Variants in PTPN7 observed in about 807,000 individuals in gnomAD.
The protein encoded by PTPN7 is tyrosine-protein phosphatase non-receptor type 7.
In PTPN7, 33 loss-of-function variants were observed where a neutral mutation model predicts 50.3. The observed-to-expected ratio is 0.66, with a 90% CI of 0.50 to 0.88. The LOEUF is 0.88. PTPN7 is among the 40% of genes least tolerant of loss of function. The pLI is 0.00. For synonymous variants in PTPN7, 185 were observed against 186.6 expected (o/e 0.99, Z 0.07); for missense variants, 412 against 475.4 (o/e 0.87, Z 1.24).
chr1:202,150,941 C>A (rs1376040016), intron 8 of PTPN7, among the ~76,000 whole-genome samples: 1 of 152,122 alleles, frequency 6.6e-6, no homozygotes, highest in African/African-American at 2.4e-5. Context: ...TAGGCCTCCC[C>A]TTCCTCTTGC....
intron 4 of PTPN7, among the ~76,000 whole-genome samples, chr1:202,156,456 T>A (rs1056898185): frequency 6.6e-6 from 1 of 152,180 alleles, no homozygotes; most frequent in African/African-American, 2.4e-5. Flanking sequence ...CACGAGGCAT[T>A]TGGCCTCTGC....
At chr1:202,161,327 G>A, upstream of PTPN7, 1 of 1,179,172 alleles carries the variant, frequency 8.5e-7, no homozygotes, top group East Asian at 5.9e-5. Context: ...GGCTTCCCCT[G>A]GGCCCTCAGC....
At chr1:202,152,328 A>G (rs556922184) in intron 8 of PTPN7, among the ~76,000 whole-genome samples, 1 of 152,192 alleles carries the variant, frequency 6.6e-6, no homozygotes, top group African/African-American at 2.4e-5. Context: ...CATCCCCTCT[A>G]TGGATGGGGC....
chr1:202,157,884 CT>C (rs1306674475), intron 3 of PTPN7, 61 bp from the exon 4 acceptor site: 17 of 1,528,226 alleles, frequency 1.1e-5, no homozygotes, highest in Non-Finnish European at 1.5e-5. Context: ...CTCCTTCTAC[CT>C]TTTTCTAGAA....
chr1:202,153,029 A>G (rs1424718868), intron 7 of PTPN7, among the ~76,000 whole-genome samples: 1 of 152,248 alleles, frequency 6.6e-6, no homozygotes, highest in Non-Finnish European at 1.5e-5. Flanking sequence ...TTTACTTGCC[A>G]GGATATTTGG....
intron 9 of PTPN7, 148 bp from the exon 10 acceptor site, chr1:202,148,847 C>CTTTTTTTTTTTTTTTTTTTTTTTTTT (rs10652170): frequency 1.5e-5 from 2 of 130,988 alleles, no homozygotes; most frequent in African/African-American, 9.1e-5. Context: ...CATCTTTTCA[C>CTTTTTTTTTTTTTTTTTTTTTTTTTT]TTTTTTTTTT....
intron 4 of PTPN7, among the ~76,000 whole-genome samples, chr1:202,155,812 T>G (rs891653320): frequency 6.6e-6 from 1 of 152,204 alleles, no homozygotes; most frequent in Non-Finnish European, 1.5e-5. Context: ...TAGGCTGGAG[T>G]GCAGTGGTGC....
At chr1:202,157,712 T>A in intron 4 of PTPN7, 27 bp downstream of exon 4, 2 of 1,590,622 alleles carry the variant, frequency 1.3e-6, no homozygotes, top group Non-Finnish European at 1.7e-6. Flanking sequence ...TGTACCCGAC[T>A]CCCTTCATCC....
Position 202,148,441 on chromosome 1 carries a change from G to A in PTPN7, c.*165C>T. On this transcript the variant is annotated 3_prime_UTR_variant, in exon 10 of 10. Coordinates refer to ENST00000691036, the MANE Select transcript of PTPN7 (RefSeq NM_002832.4). ...TTGAAGACCTGGAATCCGGCCCCTT[G>A]TCCTTACTGCTGCTGCTTCCTGTGA... The A allele has an allele frequency of 1.8e-6, 1 of 570,374 alleles. No individual in the cohort carries two copies. Among genetic ancestry groups the A allele is most frequent in the Non-Finnish European group, 3.1e-6 (1 of 326,046 alleles). The allele number at this position is 570,374 out of a possible 1,614,324, so 35.3% of individuals were successfully genotyped here. A position where few individuals can be genotyped will look rare whatever the true frequency, so the allele number is the denominator to read the frequency against.
intron 2 of PTPN7, 97 bp from the exon 3 acceptor site, chr1:202,158,398 T>C: frequency 7.6e-7 from 1 of 1,319,274 alleles, no homozygotes; most frequent in East Asian, 2.5e-5. Flanking sequence ...CTCTCTCTGT[T>C]GCCCAGGTCT....
intron 7 of PTPN7, among the ~76,000 whole-genome samples, chr1:202,153,043 A>G (rs1189192118): frequency 6.6e-6 from 1 of 152,244 alleles, no homozygotes; most frequent in East Asian, 1.9e-4. Flanking sequence ...TATTTGGAGG[A>G]GAATGAGTTG....
At chr1:202,161,375 T>G, upstream of PTPN7, 2 of 1,253,736 alleles carry the variant, frequency 1.6e-6, no homozygotes, top group Non-Finnish European at 2.1e-6. Flanking sequence ...GACATCTACT[T>G]AGAAGACTTA....
intron 4 of PTPN7, 47 bp downstream of exon 4, chr1:202,157,692 C>G (rs955035149): frequency 6.5e-7 from 1 of 1,542,026 alleles, no homozygotes; most frequent in Non-Finnish European, 9.0e-7. Context: ...AGTTCTCTAG[C>G]CCCAGGGACT....
chr1:202,150,523 C>T (rs1655885317), intron 8 of PTPN7, 99 bp from the exon 9 acceptor site: 2 of 936,156 alleles, frequency 2.1e-6, no homozygotes, highest in Admixed American at 4.1e-5. Flanking sequence ...CCTGCAGGTG[C>T]TATATTTTGG....
At chr1:202,153,232 G>A (rs901278596) in intron 7 of PTPN7, among the ~76,000 whole-genome samples, 6 of 152,028 alleles carry the variant, frequency 3.9e-5, no homozygotes, top group Non-Finnish European at 8.8e-5. Context: ...CACAATCTTG[G>A]CTCACTGCAA....
intron 3 of PTPN7, 78 bp downstream of exon 3, chr1:202,158,040 G>A (rs2147850409): frequency 6.8e-7 from 1 of 1,463,924 alleles, no homozygotes; most frequent in Non-Finnish European, 9.2e-7. Flanking sequence ...TGCCCAGGGT[G>A]CCCGTGAGAG....
At chr1:202,153,509 G>C (rs1276488749) in intron 7 of PTPN7, among the ~76,000 whole-genome samples, 1 of 152,212 alleles carries the variant, frequency 6.6e-6, no homozygotes, top group East Asian at 1.9e-4. Context: ...ACACAGATGG[G>C]TGAGTACTTC....
chr1:202,159,619 A>G lies in PTPN7; in HGVS notation c.-52-165T>C. On this transcript the variant is annotated intron_variant, in intron 1 of 9. Transcript: ENST00000691036. This position sits in a 1 kb window ranked among gnomAD's most constrained non-coding sequence, Gnocchi z 4.6. ...GGAAGGACAGGATCTATTTGGTGGG[A>G]CCCAGGGCAGAAGGCAGTCTCGGGG... 1 of 1,469,988 alleles carries G rather than the reference A, an allele frequency of 6.8e-7. No individual in the cohort carries two copies. The highest frequency in any genetic ancestry group is 9.0e-7 in the Non-Finnish European group (1 of 1,113,756). The allele number at this position is 1,469,988 out of a possible 1,614,324, so 91.1% of individuals were successfully genotyped here.
chr1:202,157,882 A>C (rs1372917430), intron 3 of PTPN7, 59 bp from the exon 4 acceptor site: 1 of 1,530,934 alleles, frequency 6.5e-7, no homozygotes, highest in East Asian at 2.3e-5. Context: ...CTCTCCTTCT[A>C]CCTTTTTCTA....
Sources: gnomAD v4.1 joint callset for allele counts (sites outside exome capture counted in the v4.1 genomes callset) on GRCh38, gnomAD v4.1.1 for gene constraint, Gnocchi (gnomAD v3.1) non-coding constraint, MANE v1.5 for transcripts, NCBI Gene and HGNC (gene_info 2026-07-23, HGNC 2026-07-21) for gene names.